Variants in RABGEF1 observed in about 807,000 individuals in gnomAD.
RABGEF1 encodes RAB guanine nucleotide exchange factor 1.
A neutral mutation model predicts 57.3 loss-of-function variants in RABGEF1; 26 were observed. The observed-to-expected ratio is 0.45, with a 90% CI of 0.33 to 0.63. The LOEUF is 0.63. Among genes scored for constraint, RABGEF1 ranks in the 20% least tolerant of loss-of-function variants. RABGEF1 has a pLI of 0.02. For missense variants in RABGEF1, 464 were observed against 607.6 expected (o/e 0.76, Z 2.48); for synonymous variants, 185 against 210.7 (o/e 0.88, Z 1.06).
chr7:66,805,745 C>G (rs115553353), intron 8 of RABGEF1, among the ~76,000 whole-genome samples: 3,257 of 152,106 alleles, frequency 0.021, 126 homozygotes, highest in African/African-American at 0.074. Context: ...CCCCCTCATT[C>G]ATTCACTCAT....
At chr7:66,807,495 A>G (rs1474509062) in intron 8 of RABGEF1, among the ~76,000 whole-genome samples, 1 of 152,098 alleles carries the variant, frequency 6.6e-6, no homozygotes, top group Non-Finnish European at 1.5e-5. Flanking sequence ...TTGTCTCTGC[A>G]TCTCTCTTCC....
At chr7:66,729,358 A>C in intron 2 of RABGEF1, among the ~76,000 whole-genome samples, 1 of 2,002 alleles carries the variant, frequency 5.0e-4, no homozygotes, top group Non-Finnish European at 1.2e-3. Context: ...TCCTCACTTC[A>C]ATCTTCCCTT....
chr7:66,719,591 T>G (rs577359121), intron 2 of RABGEF1, among the ~76,000 whole-genome samples: 1 of 152,262 alleles, frequency 6.6e-6, no homozygotes, highest in Non-Finnish European at 1.5e-5. Flanking sequence ...GGGAGTAATA[T>G]GAATCCCACA....
intron 1 of RABGEF1, among the ~76,000 whole-genome samples, chr7:66,751,818 A>T (rs926157254): frequency 1.3e-5 from 2 of 152,222 alleles, no homozygotes; most frequent in Non-Finnish European, 2.9e-5. Context: ...GTGTGGCTAT[A>T]GAATTTGGAT....
chr7:66,731,533 A>G (rs1210036660), intron 2 of RABGEF1, among the ~76,000 whole-genome samples: 5 of 152,058 alleles, frequency 3.3e-5, no homozygotes, highest in Admixed American at 1.3e-4. Flanking sequence ...CCTGGGCAAC[A>G]TGGTGAAACC....
At chr7:66,664,857 C>A in the RABGEF1 span, among the ~76,000 whole-genome samples, 5 of 152,240 alleles carry the variant, frequency 3.3e-5, no homozygotes, top group African/African-American at 1.2e-4. Context: ...GCCTCCCACG[C>A]CTGTCTACTG....
At chr7:66,744,806 A>G (rs977487620) in intron 1 of RABGEF1, among the ~76,000 whole-genome samples, 1 of 152,146 alleles carries the variant, frequency 6.6e-6, no homozygotes. Context: ...TCTCAACCCC[A>G]ATTGAGCACA....
At chr7:66,711,028 C>T (rs558530678) in intron 1 of RABGEF1, among the ~76,000 whole-genome samples, 55 of 152,104 alleles carry the variant, frequency 3.6e-4, no homozygotes, top group Non-Finnish European at 6.0e-4. Flanking sequence ...GGTATGATGG[C>T]GTGTACCTGT....
chr7:66,797,111 G>C lies in RABGEF1; in HGVS notation c.596-263G>C, dbSNP rs191431521. On this transcript the variant is annotated intron_variant, in intron 5 of 8. Transcript: ENST00000284957. ...GCCCAGGAGTTCGAGACCAGCCTGG[G>C]CAACATGGTAAAACCCCATCTCCAC... 4.0e-3 allele frequency among the ~76,000 whole-genome samples: 608 copies of C among 151,654 alleles called. 1 individual carries two copies. The highest frequency in any genetic ancestry group is 7.5e-3 in the Non-Finnish European group (507 of 67,886).
chr7:66,721,334 A>G (rs971515108), intron 2 of RABGEF1, among the ~76,000 whole-genome samples: 16 of 152,226 alleles, frequency 1.1e-4, no homozygotes, highest in African/African-American at 3.4e-4. Flanking sequence ...ATAGTGACTT[A>G]ATACAAATTT....
At chr7:66,675,019 A>T in the RABGEF1 span, among the ~76,000 whole-genome samples, 1 of 152,148 alleles carries the variant, frequency 6.6e-6, no homozygotes, top group Non-Finnish European at 1.5e-5. Flanking sequence ...ACCTAATATT[A>T]TACCTAATAA....
At chr7:66,805,529 T>G in intron 8 of RABGEF1, 133 bp downstream of exon 8, 1 of 1,350,580 alleles carries the variant, frequency 7.4e-7, no homozygotes, top group Non-Finnish European at 1.0e-6. Flanking sequence ...GGAAGCTCAC[T>G]TTGCATCAGG....
intron 2 of RABGEF1, among the ~76,000 whole-genome samples, chr7:66,719,460 T>C (rs1203057403): frequency 6.6e-6 from 1 of 152,168 alleles, no homozygotes; most frequent in Non-Finnish European, 1.5e-5. Context: ...CCCCCCGCAG[T>C]GTGCTGGGAT....
At chr7:66,726,404 G>A (rs1796588002) in intron 2 of RABGEF1, among the ~76,000 whole-genome samples, 1 of 152,094 alleles carries the variant, frequency 6.6e-6, no homozygotes, top group East Asian at 1.9e-4. Flanking sequence ...TTGCTCTGTT[G>A]TGCAGGCTGG....
At chr7:66,721,317 A>C (rs1024690314) in intron 2 of RABGEF1, among the ~76,000 whole-genome samples, 2 of 152,232 alleles carry the variant, frequency 1.3e-5, no homozygotes, top group African/African-American at 4.8e-5. Flanking sequence ...ACTCTAACAT[A>C]TGCCATATAG....
At chr7:66,741,944 C>A (rs1799062211) in intron 1 of RABGEF1, among the ~76,000 whole-genome samples, 1 of 151,808 alleles carries the variant, frequency 6.6e-6, no homozygotes, top group African/African-American at 2.4e-5. Flanking sequence ...AGACCATCCT[C>A]CCTAACACGG....
intron 1 of RABGEF1, among the ~76,000 whole-genome samples, chr7:66,750,065 G>A (rs1801082186): frequency 2.0e-5 from 3 of 152,304 alleles, no homozygotes; most frequent in African/African-American, 7.2e-5. Flanking sequence ...TTTGGGTCCT[G>A]TTTAGCAAGT....
chr7:66,808,709 G>A (rs1685241030), intron 8 of RABGEF1, among the ~76,000 whole-genome samples, 177 bp from the exon 9 acceptor site: 1 of 152,142 alleles, frequency 6.6e-6, no homozygotes, highest in South Asian at 2.1e-4. Flanking sequence ...TGTATAGGAA[G>A]CACGACCGGG....
intron 5 of RABGEF1, 88 bp from the exon 6 acceptor site, chr7:66,797,286 A>G: frequency 7.3e-7 from 1 of 1,361,980 alleles, no homozygotes; most frequent in Non-Finnish European, 9.8e-7. Context: ...CCTGGGCGAC[A>G]GAGCCAGACT....
Sources: gnomAD v4.1 joint callset for allele counts (sites outside exome capture counted in the v4.1 genomes callset) on GRCh38, gnomAD v4.1.1 for gene constraint, MANE v1.5 for transcripts, NCBI Gene and HGNC (gene_info 2026-07-23, HGNC 2026-07-21) for gene names.